Variants in ZMYM2 observed in about 807,000 individuals in gnomAD.
The protein encoded by ZMYM2 is zinc finger MYM-type protein 2.
Under a neutral mutation model 162.8 loss-of-function variants are expected in ZMYM2, and 56 were observed. The observed-to-expected ratio is 0.34, with a 90% CI of 0.28 to 0.43. The LOEUF (loss-of-function observed/expected upper bound fraction) is 0.43. ZMYM2 is among the 20% of genes least tolerant of loss of function. The pLI is 1.00. For missense variants in ZMYM2, 1,275 were observed against 1,621.8 expected (o/e 0.79, Z 3.67); for synonymous variants, 510 against 541.6 (o/e 0.94, Z 0.81).
chr13:20,061,367 A>C, intron 17 of ZMYM2, 143 bp downstream of exon 17: 4 of 715,352 alleles, frequency 5.6e-6, no homozygotes, highest in South Asian at 5.9e-5. Flanking sequence ...TGTTTTTTAT[A>C]TTAAGAGATC....
the ZMYM2 span, among the ~76,000 whole-genome samples, chr13:19,910,653 C>T: frequency 6.6e-6 from 1 of 151,856 alleles, no homozygotes; most frequent in African/African-American, 2.4e-5. Flanking sequence ...TAGGACACAC[C>T]TTTCATCATG....
chr13:20,027,871 T>A (rs1187047619), intron 9 of ZMYM2: 1 of 164,216 alleles, frequency 6.1e-6, no homozygotes, highest in Non-Finnish European at 1.3e-5. Context: ...AGATAGATTC[T>A]TGGAAGCGTT....
chr13:20,052,636 G>A (rs1436918247), intron 14 of ZMYM2, among the ~76,000 whole-genome samples: 1 of 152,178 alleles, frequency 6.6e-6, no homozygotes, highest in Non-Finnish European at 1.5e-5. Context: ...GCAATAGTAT[G>A]TTTGAAATTA....
intron 21 of ZMYM2, chr13:20,071,731 C>T (rs769601833): frequency 1.2e-4 from 21 of 169,488 alleles, no homozygotes; most frequent in Non-Finnish European, 2.6e-4. Flanking sequence ...AGGAAGTTGG[C>T]ATTAATTGGC....
chr13:20,007,964 GC>G (rs1404571236), intron 6 of ZMYM2, among the ~76,000 whole-genome samples: 1 of 151,984 alleles, frequency 6.6e-6, no homozygotes, highest in Admixed American at 6.6e-5. Flanking sequence ...CCTTTCTCAC[GC>G]AAAGTTTTGT....
chr13:19,920,062 G>T, the ZMYM2 span, among the ~76,000 whole-genome samples: 1 of 152,076 alleles, frequency 6.6e-6, no homozygotes, highest in Non-Finnish European at 1.5e-5. Flanking sequence ...TCTAGCCTTG[G>T]TCTCCCAATG....
At chr13:19,881,316 AT>A in the ZMYM2 span, among the ~76,000 whole-genome samples, 9 of 152,174 alleles carry the variant, frequency 5.9e-5, no homozygotes, top group African/African-American at 1.4e-4. Context: ...GGGAAAAAAA[AT>A]ATCTTCAACA....
intron 7 of ZMYM2, among the ~76,000 whole-genome samples, chr13:20,023,460 A>G (rs1952295751): frequency 6.6e-6 from 1 of 152,310 alleles, no homozygotes; most frequent in South Asian, 2.1e-4. Flanking sequence ...AAATCGTGAC[A>G]GTTTTGACAT....
At chr13:19,931,109 G>A in the ZMYM2 span, among the ~76,000 whole-genome samples, 62,675 of 145,778 alleles carry the variant, frequency 0.43, 15,455 homozygotes, top group East Asian at 0.59. Context: ...ACAGCACTCC[G>A]GCCTGGGTGA....
At chr13:19,940,571 A>G in the ZMYM2 span, among the ~76,000 whole-genome samples, 1 of 152,226 alleles carries the variant, frequency 6.6e-6, no homozygotes, top group East Asian at 1.9e-4. Context: ...TTGTTTCTTA[A>G]GTAAACTAGT....
the ZMYM2 span, among the ~76,000 whole-genome samples, chr13:19,899,747 G>A: frequency 6.7e-6 from 1 of 149,496 alleles, no homozygotes; most frequent in African/African-American, 2.5e-5. Context: ...AACCCGGGAG[G>A]GAGAGGTTGC....
chr13:19,920,736 GTGTATGTA>G, the ZMYM2 span, among the ~76,000 whole-genome samples: 53,779 of 149,728 alleles, frequency 0.36, 10,484 homozygotes, highest in East Asian at 0.55. Flanking sequence ...TCATTTATGT[GTGTATGTA>G]TGTATGTATG....
intron 2 of ZMYM2, among the ~76,000 whole-genome samples, chr13:19,981,548 G>A (rs910337904): frequency 6.6e-6 from 1 of 152,102 alleles, no homozygotes; most frequent in Admixed American, 6.6e-5. Context: ...TCTCCAAGGA[G>A]CCCTGGTTTC....
the ZMYM2 span, among the ~76,000 whole-genome samples, chr13:19,939,713 C>T: frequency 6.6e-6 from 1 of 152,254 alleles, no homozygotes; most frequent in East Asian, 1.9e-4. Context: ...TATTGTGGAA[C>T]ATTTACTATT....
chr13:19,901,885 T>C, the ZMYM2 span, among the ~76,000 whole-genome samples: 1 of 152,150 alleles, frequency 6.6e-6, no homozygotes, highest in Non-Finnish European at 1.5e-5. Flanking sequence ...CTCAAACTCC[T>C]AGCTCAAGTG....
chr13:19,998,571 C>G (rs1013890362), intron 3 of ZMYM2, among the ~76,000 whole-genome samples: 3 of 152,112 alleles, frequency 2.0e-5, no homozygotes, highest in African/African-American at 7.2e-5. Flanking sequence ...GACTTTCTTT[C>G]TCGTTGATTA....
At chr13:19,928,258 C>A in the ZMYM2 span, among the ~76,000 whole-genome samples, 1 of 152,228 alleles carries the variant, frequency 6.6e-6, no homozygotes. Context: ...CTCCCTCAGT[C>A]TCCCAAAGTG....
At chr13:19,932,654 A>G in the ZMYM2 span, among the ~76,000 whole-genome samples, 108 of 152,188 alleles carry the variant, frequency 7.1e-4, no homozygotes, top group African/African-American at 2.5e-3. Flanking sequence ...TCCAAAAAAA[A>G]AAAGAATAGA....
At chr13:19,899,365 A>G in the ZMYM2 span, among the ~76,000 whole-genome samples, 1 of 152,162 alleles carries the variant, frequency 6.6e-6, no homozygotes, top group Non-Finnish European at 1.5e-5. Flanking sequence ...ACAGCTGTAA[A>G]AGCTCCTTTT....
Sources: gnomAD v4.1 joint callset for allele counts (sites outside exome capture counted in the v4.1 genomes callset) on GRCh38, gnomAD v4.1.1 for gene constraint, MANE v1.5 for transcripts, NCBI Gene and HGNC (gene_info 2026-07-23, HGNC 2026-07-21) for gene names.